Variants in RBM47 observed in about 807,000 individuals in gnomAD.
RBM47 encodes RNA-binding protein 47.
A neutral mutation model predicts 47.1 loss-of-function variants in RBM47; 21 were observed. The ratio of observed to expected loss-of-function variants is 0.45; its 90% CI spans 0.32 to 0.64. The LOEUF (loss-of-function observed/expected upper bound fraction) is 0.64. RBM47 is among the 30% of genes least tolerant of loss of function. The pLI, the probability that RBM47 is intolerant of heterozygous loss-of-function variation, is 0.05. For missense variants in RBM47, 708 were observed against 870.9 expected (o/e 0.81, Z 2.35); for synonymous variants, 375 against 361.7 (o/e 1.04, Z -0.42).
intron 1 of RBM47, among the ~76,000 whole-genome samples, chr4:40,573,859 C>T (rs1531756): frequency 0.35 from 47,245 of 136,588 alleles, 7,677 homozygotes; most frequent in African/African-American, 0.45. Context: ...GAAAAATAAA[C>T]TTTGACTTTG....
intron 2 of RBM47, among the ~76,000 whole-genome samples, chr4:40,496,661 G>A (rs1056596616): frequency 4.6e-5 from 7 of 152,172 alleles, no homozygotes; most frequent in South Asian, 2.1e-4. Context: ...GTGTCAGGCC[G>A]TACTAAGCAC....
rs370242960 is a variant in RBM47, at chr4:40,425,996, C to A, written c.1690G>T (p.Ala564Ser). The A allele has an allele frequency of 2.5e-5, 41 of 1,613,954 alleles. No homozygotes were observed. The highest frequency in any genetic ancestry group is 3.5e-5 in the Non-Finnish European group (41 of 1,179,832). ...TAGCCTGCGTATCCTCCATACATGG[C>A]GGCCGCGGCTGCCGCGTTCTTCTGT... is the stretch of plus-strand genomic sequence containing the variant. ...TLQKNAAAAA[A>S]MYGGYAGYIP... The change falls in exon 7 of 7, where the codon GCC (alanine) becomes TCC (serine). Residue 564 changes from alanine to serine, a missense_variant. Coordinates refer to ENST00000295971, the MANE Select transcript of RBM47 (RefSeq NM_001098634.2).
At chr4:40,616,869 CTTTTCTTTTT>C (rs1736783605) in intron 1 of RBM47, among the ~76,000 whole-genome samples, 1 of 119,806 alleles carries the variant, frequency 8.3e-6, no homozygotes, top group African/African-American at 3.3e-5. Flanking sequence ...CTTATATTTT[CTTTTCTTTTT>C]TTTTTTTTTT....
intron 1 of RBM47, among the ~76,000 whole-genome samples, chr4:40,596,836 C>A (rs899588581): frequency 6.6e-6 from 1 of 151,994 alleles, no homozygotes; most frequent in Non-Finnish European, 1.5e-5. Flanking sequence ...TTGAGGGGCA[C>A]GAGGGGCTTC....
intron 3 of RBM47, among the ~76,000 whole-genome samples, chr4:40,443,843 A>T (rs1392359785): frequency 6.6e-6 from 1 of 151,834 alleles, no homozygotes; most frequent in African/African-American, 2.4e-5. Context: ...ACCATATTAA[A>T]TAAATTATAT....
At chr4:40,587,091 C>T (rs985918326) in intron 1 of RBM47, among the ~76,000 whole-genome samples, 9 of 152,044 alleles carry the variant, frequency 5.9e-5, no homozygotes, top group Non-Finnish European at 1.2e-4. Flanking sequence ...CTGGAAGAGC[C>T]GTGAGGAGGG....
At chr4:40,593,481 A>C (rs1734451557) in intron 1 of RBM47, among the ~76,000 whole-genome samples, 1 of 152,132 alleles carries the variant, frequency 6.6e-6, no homozygotes, top group Admixed American at 6.6e-5. Flanking sequence ...TCGCTTAGAA[A>C]ATCATTTTTC....
chr4:40,604,101 C>T (rs1244529367), intron 1 of RBM47, among the ~76,000 whole-genome samples: 1 of 152,192 alleles, frequency 6.6e-6, no homozygotes, highest in African/African-American at 2.4e-5. Context: ...ACCCTTTGGC[C>T]CTAACCAACC....
In RBM47 at chr4:40,437,171, T is replaced by TATATATAAAATACATATATATATAA. The variant is rs1553877846; in HGVS notation, c.1124-525_1124-524insTTATATATATATGTATTTTATATAT. Among the ~76,000 whole-genome samples, 1,334 of 91,598 alleles carry TATATATAAAATACATATATATATAA rather than the reference T, an allele frequency of 0.015. 81 individuals carry two copies. In the East Asian group the frequency reaches 0.21, roughly 14 times the overall value. The allele number at this position is 91,598 out of a possible 152,430, so 60.1% of individuals were successfully genotyped here. A position where few individuals can be genotyped will look rare whatever the true frequency, so the allele number is the denominator to read the frequency against. ...TATATAAAATACATATATATATATATAATACATATATATATACTATTAAAT... is the reference window on the plus strand; with the variant it reads ...TATATAAAATACATATATATATATATATATATAAAATACATATATATATAAAATACATATATATATACTATTAAAT... On this transcript the variant is annotated intron_variant, in intron 4 of 6. Coordinates refer to ENST00000295971, the MANE Select transcript of RBM47 (RefSeq NM_001098634.2).
At chr4:40,436,847 CAAGAGGCA>C (rs755090071) in intron 4 of RBM47, 200 bp from the exon 5 acceptor site, 1 of 697,428 alleles carries the variant, frequency 1.4e-6, no homozygotes. Flanking sequence ...CTTCTTAGTA[CAAGAGGCA>C]AACTTGCAGG....
chr4:40,578,474 C>T (rs1732547579), intron 1 of RBM47, among the ~76,000 whole-genome samples: 1 of 152,182 alleles, frequency 6.6e-6, no homozygotes, highest in South Asian at 2.1e-4. Flanking sequence ...TCTTTTGACA[C>T]ATAGGATTTT....
intron 2 of RBM47, among the ~76,000 whole-genome samples, chr4:40,521,429 G>A (rs1385556144): frequency 2.0e-5 from 3 of 152,092 alleles, no homozygotes; most frequent in Non-Finnish European, 4.4e-5. Flanking sequence ...TTGAACTCCT[G>A]ACCTCAGGTG....
At chr4:40,535,307 A>G (rs1489724391) in intron 2 of RBM47, among the ~76,000 whole-genome samples, 4 of 151,228 alleles carry the variant, frequency 2.6e-5, no homozygotes, top group Non-Finnish European at 5.9e-5. Flanking sequence ...GGGTACTGAC[A>G]TGCCTAGACT....
At chr4:40,526,590 T>C (rs1560445808) in intron 2 of RBM47, among the ~76,000 whole-genome samples, 1 of 152,038 alleles carries the variant, frequency 6.6e-6, no homozygotes, top group East Asian at 1.9e-4. Context: ...TTTTTTGTTT[T>C]TGAGACAGGA....
At chr4:40,462,646 AC>A (rs1430056274) in intron 3 of RBM47, among the ~76,000 whole-genome samples, 1 of 152,164 alleles carries the variant, frequency 6.6e-6, no homozygotes, top group African/African-American at 2.4e-5. Flanking sequence ...CTAAGCCTAT[AC>A]GAGGAAGAAA....
chr4:40,441,417 C>A (rs1366524920), intron 3 of RBM47, among the ~76,000 whole-genome samples: 1 of 152,056 alleles, frequency 6.6e-6, no homozygotes, highest in Non-Finnish European at 1.5e-5. Context: ...CACACCCAAC[C>A]AAGAAATTTC....
In RBM47 at chr4:40,627,352, A is replaced by G. The variant is rs530132447; in HGVS notation, c.-240+2044T>C. ...GAGTTTTTTTTCCCCAGAATTATGT[A>G]TCTTCTGGGATTACCTAATCACAGT... On this transcript the variant is annotated intron_variant, in intron 1 of 6. Coordinates refer to ENST00000295971, the MANE Select transcript of RBM47 (RefSeq NM_001098634.2). Among the ~76,000 whole-genome samples, 225 of 152,180 alleles carry G rather than the reference A, an allele frequency of 1.5e-3. 1 individual carries two copies. Among genetic ancestry groups the G allele is most frequent in the African/African-American group, 4.9e-3 (204 of 41,512 alleles).
chr4:40,544,309 A>AG (rs965022702), intron 2 of RBM47, 113 bp downstream of exon 2: 5 of 152,186 alleles, frequency 3.3e-5, no homozygotes, highest in African/African-American at 1.2e-4. Flanking sequence ...ACAAAAACAA[A>AG]GGGGGGTGGC....
At chr4:40,526,903 G>C (rs35778095) in intron 2 of RBM47, among the ~76,000 whole-genome samples, 2 of 144,120 alleles carry the variant, frequency 1.4e-5, no homozygotes, top group Non-Finnish European at 3.0e-5. Flanking sequence ...GCCTGACTTA[G>C]AGCAATGGAA....
Sources: gnomAD v4.1 joint callset for allele counts (sites outside exome capture counted in the v4.1 genomes callset) on GRCh38, gnomAD v4.1.1 for gene constraint, MANE v1.5 for transcripts, NCBI Gene and HGNC (gene_info 2026-07-23, HGNC 2026-07-21) for gene names.